Variants in GARNL3 observed in about 807,000 individuals in gnomAD.
The protein encoded by GARNL3 is GTPase activating Rap/RanGAP domain like 3.
In GARNL3, 63 loss-of-function variants were observed where a neutral mutation model predicts 125.0. The ratio of observed to expected loss-of-function variants is 0.50; its 90% CI spans 0.41 to 0.62. GARNL3 has a LOEUF of 0.62. GARNL3 is among the 20% of genes least tolerant of loss of function. The probability of loss-of-function intolerance (pLI) is 0.00; values close to 1 mark genes in which losing one functional copy is unlikely to be tolerated. For synonymous variants in GARNL3, 439 were observed against 457.5 expected, an observed-to-expected ratio of 0.96 and a Z score of 0.52; for missense variants, 994 against 1,244.0, an observed-to-expected ratio of 0.80 and a Z score of 3.02.
At chr9:127,249,331 C>T (rs530088300) in intron 2 of GARNL3, among the ~76,000 whole-genome samples, 2 of 152,140 alleles carry the variant, frequency 1.3e-5, no homozygotes, top group Non-Finnish European at 2.9e-5. Flanking sequence ...CACCTGTAAT[C>T]CCAGCACTTT....
intron 22 of GARNL3, among the ~76,000 whole-genome samples, chr9:127,378,237 CTG>C (rs1232038317): frequency 7.3e-6 from 1 of 136,752 alleles, no homozygotes; most frequent in Non-Finnish European, 1.5e-5. Flanking sequence ...AAGCAAGACT[CTG>C]TCTCAAAAAA....
chr9:127,320,992 G>A (rs2065381445), intron 6 of GARNL3, among the ~76,000 whole-genome samples: 1 of 152,148 alleles, frequency 6.6e-6, no homozygotes, highest in Admixed American at 6.5e-5. Flanking sequence ...AGTTCCTCAA[G>A]TGATTCTAAT....
intron 2 of GARNL3, among the ~76,000 whole-genome samples, chr9:127,247,893 A>G (rs1401512011): frequency 6.6e-6 from 1 of 151,760 alleles, no homozygotes; most frequent in Non-Finnish European, 1.5e-5. Context: ...ATTTTTTCGT[A>G]CTCATTAATT....
chr9:127,367,943 A>G (rs1263047545), intron 22 of GARNL3, among the ~76,000 whole-genome samples: 1 of 150,294 alleles, frequency 6.7e-6, no homozygotes, highest in Non-Finnish European at 1.5e-5. Flanking sequence ...TTATTTTCCC[A>G]CTATTTATTC....
rs143895386 is a variant in GARNL3, at chr9:127,369,509, G to A, written c.2161+4143G>A. On this transcript the variant is annotated intron_variant, in intron 22 of 27. Transcript: ENST00000373387. ...CAAAGTAGACTGAGGAAGAGTGCCC[G>A]GAAAGGCAGGGATTACCAGGAGCCT... is the stretch of plus-strand genomic sequence containing the variant. Among the ~76,000 whole-genome samples, 27 of 152,334 alleles carry A rather than the reference G, an allele frequency of 1.8e-4. No homozygotes were observed. In the South Asian group the frequency reaches 3.1e-3, roughly 18 times the overall value.
chr9:127,324,707 C>T (rs1465194805), intron 6 of GARNL3, among the ~76,000 whole-genome samples: 2 of 152,224 alleles, frequency 1.3e-5, no homozygotes, highest in African/African-American at 4.8e-5. Flanking sequence ...AGGTCTTCCA[C>T]ACACGCTGAC....
chr9:127,225,319 C>A (rs996032846), intron 1 of GARNL3: 2 of 983,532 alleles, frequency 2.0e-6, no homozygotes, highest in African/African-American at 1.8e-5. Flanking sequence ...GCGATGGAAC[C>A]GGAGCCCGGC....
chr9:127,315,871 A>C (rs1268197330), intron 4 of GARNL3, among the ~76,000 whole-genome samples: 1 of 152,246 alleles, frequency 6.6e-6, no homozygotes, highest in Non-Finnish European at 1.5e-5. Flanking sequence ...GCTTCTAGAC[A>C]TCCGTCCCTG....
At position 127,266,772 on chromosome 9, in the gene GARNL3, CA is replaced by C. The variant is rs1267209836; in HGVS notation, c.144+1752del. ...GTAGCAAAAGTAGAGCCTTGACTGT[CA>C]GGTGAACACTTTGGACTTGGCCTAG... On this transcript the variant is annotated intron_variant, in intron 1 of 27. Coordinates refer to ENST00000373387, the MANE Select transcript of GARNL3 (RefSeq NM_032293.5). The surrounding 1 kb of genome is among the most constrained non-coding windows in gnomAD (Gnocchi z 4.0). Among the ~76,000 whole-genome samples, 1 of 152,198 alleles carries C rather than the reference CA, an allele frequency of 6.6e-6. No homozygotes were observed. The highest frequency in any genetic ancestry group is 2.4e-5 in the African/African-American group (1 of 41,452).
At chr9:127,237,161 A>G (rs1306235436) in intron 1 of GARNL3, among the ~76,000 whole-genome samples, 1 of 152,186 alleles carries the variant, frequency 6.6e-6, no homozygotes, top group Non-Finnish European at 1.5e-5. Context: ...AGGAAAGGAA[A>G]GCTGCCGCAT....
intron 7 of GARNL3, among the ~76,000 whole-genome samples, chr9:127,329,447 C>G (rs1466151526): frequency 2.6e-5 from 4 of 152,122 alleles, no homozygotes; most frequent in African/African-American, 9.7e-5. Context: ...ATCATGCAAC[C>G]CTTGCTGCTT....
intron 1 of GARNL3, among the ~76,000 whole-genome samples, chr9:127,275,469 C>G (rs919488141): frequency 4.6e-5 from 7 of 152,214 alleles, no homozygotes; most frequent in African/African-American, 1.7e-4. Flanking sequence ...ATCAAAGTCT[C>G]TCTTGGTGCC....
At chr9:127,284,105 T>C (rs1030275200) in intron 1 of GARNL3, among the ~76,000 whole-genome samples, 3 of 151,736 alleles carry the variant, frequency 2.0e-5, no homozygotes, top group African/African-American at 7.3e-5. Context: ...AGCTCCGGTG[T>C]GGAGCATCAG....
intron 21 of GARNL3, among the ~76,000 whole-genome samples, chr9:127,360,828 C>T (rs1478671338): frequency 1.3e-5 from 2 of 152,216 alleles, no homozygotes; most frequent in South Asian, 2.1e-4. Flanking sequence ...GTACCCACCC[C>T]GGGTTCTGTA....
chr9:127,351,657 C>G (rs181505900), intron 17 of GARNL3, among the ~76,000 whole-genome samples: 20 of 152,258 alleles, frequency 1.3e-4, no homozygotes, highest in Middle Eastern at 3.4e-3. Flanking sequence ...TCCCATTAGC[C>G]TTTGCTTAAT....
intron 2 of GARNL3, among the ~76,000 whole-genome samples, chr9:127,294,083 G>T (rs750966221): frequency 6.6e-6 from 1 of 152,070 alleles, no homozygotes; most frequent in African/African-American, 2.4e-5. Context: ...GCATAATGTG[G>T]GGCAGGGCTC....
chr9:127,233,338 G>C (rs1215379783), intron 1 of GARNL3, among the ~76,000 whole-genome samples: 1 of 152,234 alleles, frequency 6.6e-6, no homozygotes, highest in Non-Finnish European at 1.5e-5. Flanking sequence ...GAAACATGCT[G>C]ATTGGCTGGG....
chr9:127,274,469 C>T (rs2063902410), intron 1 of GARNL3, among the ~76,000 whole-genome samples: 1 of 152,184 alleles, frequency 6.6e-6, no homozygotes, highest in African/African-American at 2.4e-5. Context: ...GAGTTACAGG[C>T]ACCCCACTCC....
chr9:127,274,594 G>C (rs928992539), intron 1 of GARNL3, among the ~76,000 whole-genome samples: 11 of 152,076 alleles, frequency 7.2e-5, no homozygotes, highest in African/African-American at 2.7e-4. Context: ...CCTCTGTGCT[G>C]CTCTCTTGCA....
Sources: gnomAD v4.1 joint callset for allele counts (sites outside exome capture counted in the v4.1 genomes callset) on GRCh38, gnomAD v4.1.1 for gene constraint, Gnocchi (gnomAD v3.1) non-coding constraint, MANE v1.5 for transcripts, NCBI Gene and HGNC (gene_info 2026-07-23, HGNC 2026-07-21) for gene names.